CACNB2: variants seen among roughly 807,000 people sequenced by gnomAD.
CACNB2 encodes the protein calcium voltage-gated channel auxiliary subunit beta 2, also known as voltage-dependent L-type calcium channel subunit beta-2.
CACNB2 carries 42 observed loss-of-function variants against 73.3 expected under a neutral mutation model. The ratio of observed to expected loss-of-function variants is 0.57; its 90% CI spans 0.45 to 0.74. The LOEUF (loss-of-function observed/expected upper bound fraction) is 0.74. Among genes scored for constraint, CACNB2 ranks in the 30% least tolerant of loss-of-function variants. The pLI is 0.00. For missense variants in CACNB2, 940 were observed against 853.0 expected (o/e 1.10, Z -1.27); for synonymous variants, 348 against 310.3 (o/e 1.12, Z -1.28).
intron 2 of CACNB2, among the ~76,000 whole-genome samples, chr10:18,241,007 G>C (rs963260035): frequency 7.2e-5 from 11 of 152,104 alleles, no homozygotes; most frequent in East Asian, 3.9e-4. Flanking sequence ...TTCTGTTCAC[G>C]GTTATCCCTC....
In CACNB2 at chr10:18,442,943, T is replaced by TAAG. The variant is rs2046502430; in HGVS notation, c.333+40900_333+40901insAAG. Among the ~76,000 whole-genome samples the TAAG allele has an allele frequency of 1.3e-4, 3 of 23,366 alleles. 1 individual carries two copies. In the African/African-American group the frequency reaches 1.3e-3, roughly 10 times the overall value. The allele number at this position is 23,366 out of a possible 152,430, so 15.3% of individuals were successfully genotyped here. A position where few individuals can be genotyped will look rare whatever the true frequency, so the allele number is the denominator to read the frequency against. ...ATATATATGTATATATATATATATGTGTATATATATATATGTATATATATA... is the reference window on the plus strand; with the variant it reads ...ATATATATGTATATATATATATATGTAAGGTATATATATATATGTATATATATA... On this transcript the variant is annotated intron_variant, in intron 3 of 13. Coordinates refer to ENST00000324631, the MANE Select transcript of CACNB2 (RefSeq NM_201596.3).
At chr10:18,325,621 C>G (rs926490280) in intron 2 of CACNB2, among the ~76,000 whole-genome samples, 4 of 145,402 alleles carry the variant, frequency 2.8e-5, no homozygotes, top group African/African-American at 1.0e-4. Context: ...TCTTTCCTTT[C>G]TCTTTCTTTC....
At chr10:18,177,475 A>G (rs1268208193) in intron 2 of CACNB2, among the ~76,000 whole-genome samples, 1 of 151,574 alleles carries the variant, frequency 6.6e-6, no homozygotes, top group African/African-American at 2.4e-5. Context: ...CAAAAAAAAA[A>G]AAAAAAATAG....
In CACNB2 at chr10:18,527,637, G is replaced by T. The variant is rs369543094; in HGVS notation, c.994G>T (p.Val332Leu). 8.1e-6 allele frequency: 13 copies of T among 1,613,830 alleles called. No homozygotes were observed. The highest frequency in any genetic ancestry group is 4.5e-5 in the East Asian group (2 of 44,880). Residue 332 changes from valine (V) to leucine (L), a missense_variant, in exon 10 of 14, where the codon GTA (valine) becomes TTA (leucine). Val to Leu is a conservative substitution (Grantham distance 32). Transcript: ENST00000324631. Reference sequence around the variant, plus strand: ...TGACATCTCGCTTGCCAAACGCTCGGTATTAAACAATCCCAGTAAGCACGC... The same window carrying T: ...TGACATCTCGCTTGCCAAACGCTCGTTATTAAACAATCCCAGTAAGCACGC... ...TADISLAKRS[V>L]LNNPSKHAII... is the part of the protein sequence containing the mutation.
At chr10:18,260,615 G>A in intron 2 of CACNB2, 1 of 987,468 alleles carries the variant, frequency 1.0e-6, no homozygotes, top group Non-Finnish European at 1.2e-6. Flanking sequence ...TTCGAGTCTA[G>A]ACTCAGTCAT....
intron 2 of CACNB2, among the ~76,000 whole-genome samples, chr10:18,214,105 G>A (rs1240640200): frequency 6.7e-6 from 1 of 148,452 alleles, no homozygotes; most frequent in African/African-American, 2.6e-5. Flanking sequence ...ACTGGAGGCA[G>A]GGGGGCAGTG....
chr10:18,317,217 C>G (rs745813166), intron 2 of CACNB2, among the ~76,000 whole-genome samples: 4 of 151,854 alleles, frequency 2.6e-5, no homozygotes, highest in Non-Finnish European at 5.9e-5. Flanking sequence ...TTCATCCTAC[C>G]AAACTTTTCC....
At chr10:18,402,291 G>A (rs2044041916) in intron 3 of CACNB2, among the ~76,000 whole-genome samples, 2 of 151,210 alleles carry the variant, frequency 1.3e-5, no homozygotes, top group African/African-American at 2.4e-5. Context: ...TGGCTTATTT[G>A]GACACATACA....
chr10:18,520,326 CTCTTA>C (rs1221357850), intron 9 of CACNB2, among the ~76,000 whole-genome samples: 10 of 152,290 alleles, frequency 6.6e-5, no homozygotes, highest in South Asian at 2.1e-4. Flanking sequence ...TGTTCTTTCT[CTCTTA>C]TATTTCACAT....
chr10:18,310,136 C>G lies in CACNB2; in HGVS notation c.214-91788C>G, dbSNP rs191926312. 2.6e-5 allele frequency among the ~76,000 whole-genome samples: 4 copies of G among 151,514 alleles called. No homozygotes were observed. The East Asian group carries it at 7.8e-4, about 29-fold the overall frequency. On this transcript the variant is annotated intron_variant, in intron 2 of 13. Transcript: ENST00000324631. ...ACTTGCGTGCTACAGGTTTATTTTT[C>G]TGTTGTATTTTCAGCAATGTTTTAA...
intron 3 of CACNB2, among the ~76,000 whole-genome samples, chr10:18,458,920 C>T (rs991669542): frequency 2.0e-5 from 3 of 152,016 alleles, no homozygotes; most frequent in Non-Finnish European, 2.9e-5. Flanking sequence ...CACCCGCCAT[C>T]ATGCCCAGCT....
intron 2 of CACNB2, among the ~76,000 whole-genome samples, chr10:18,176,231 G>A (rs1271446832): frequency 6.6e-6 from 1 of 152,136 alleles, no homozygotes; most frequent in African/African-American, 2.4e-5. Context: ...TATTGCGGGG[G>A]TCAGTAACCC....
chr10:18,141,269 C>A, intron 1 of CACNB2: 1 of 1,389,352 alleles, frequency 7.2e-7, no homozygotes, highest in Non-Finnish European at 1.0e-6. Flanking sequence ...TTCTACGATG[C>A]CGACTCTCCT....
chr10:18,187,728 T>C (rs779565026), intron 2 of CACNB2, among the ~76,000 whole-genome samples: 1 of 152,250 alleles, frequency 6.6e-6, no homozygotes, highest in South Asian at 2.1e-4. Context: ...GCTGTTCTTC[T>C]AGTACATTCA....
chr10:18,190,097 C>G (rs776538554), intron 2 of CACNB2, among the ~76,000 whole-genome samples: 2 of 152,126 alleles, frequency 1.3e-5, no homozygotes, highest in African/African-American at 4.8e-5. Flanking sequence ...CTCTTACCCC[C>G]GAAGCCCTTC....
chr10:18,341,199 T>C (rs1042219205), intron 2 of CACNB2, among the ~76,000 whole-genome samples: 1 of 152,250 alleles, frequency 6.6e-6, no homozygotes, highest in African/African-American at 2.4e-5. Flanking sequence ...TGTATGTTAC[T>C]GAGCTTCATT....
At chr10:18,197,712 A>G (rs1012496095) in intron 2 of CACNB2, among the ~76,000 whole-genome samples, 1 of 152,118 alleles carries the variant, frequency 6.6e-6, no homozygotes, top group Non-Finnish European at 1.5e-5. Flanking sequence ...TGAGTAACTT[A>G]CAGCTGGATT....
chr10:18,513,520 C>A (rs530665459), intron 6 of CACNB2: 3 of 387,790 alleles, frequency 7.7e-6, no homozygotes, highest in African/African-American at 6.3e-5. Context: ...TGAACCACCA[C>A]CGCACTGTAC....
chr10:18,351,154 T>TC (rs2041690107), intron 2 of CACNB2, among the ~76,000 whole-genome samples: 2 of 151,866 alleles, frequency 1.3e-5, no homozygotes, highest in African/African-American at 4.8e-5. Context: ...TCTTTTCTTT[T>TC]TTTTTTTTTC....
Sources: gnomAD v4.1 joint callset for allele counts (sites outside exome capture counted in the v4.1 genomes callset) on GRCh38, gnomAD v4.1.1 for gene constraint, MANE v1.5 for transcripts, NCBI Gene and HGNC (gene_info 2026-07-23, HGNC 2026-07-21) for gene names.